ATRN: variants seen among roughly 807,000 people sequenced by gnomAD.
ATRN encodes attractin-2.
A neutral mutation model predicts 178.7 loss-of-function variants in ATRN; 54 were observed. The observed-to-expected ratio is 0.30, with a 90% confidence interval of 0.24 to 0.38. The LOEUF (loss-of-function observed/expected upper bound fraction) is 0.38, where lower values mean the gene tolerates loss of function less well. Among genes scored for constraint, ATRN ranks in the 10% least tolerant of loss-of-function variants. The pLI is 1.00. For missense variants in ATRN, 1,443 were observed against 1,815.1 expected (o/e 0.79, Z 3.73); for synonymous variants, 636 against 663.0 (o/e 0.96, Z 0.63).
intron 27 of ATRN, among the ~76,000 whole-genome samples, chr20:3,640,407 T>G (rs1203509467): frequency 6.6e-6 from 1 of 152,030 alleles, no homozygotes; most frequent in Non-Finnish European, 1.5e-5. Flanking sequence ...ATTTCCAGAA[T>G]CCCAGAACAA....
chr20:3,604,504 G>T (rs907663621), intron 24 of ATRN, among the ~76,000 whole-genome samples: 12 of 152,246 alleles, frequency 7.9e-5, no homozygotes, highest in Admixed American at 7.2e-4. Flanking sequence ...GCATGTAACA[G>T]ATTTGGTCAT....
intron 23 of ATRN, 91 bp downstream of exon 23, chr20:3,601,115 A>G: frequency 7.9e-7 from 1 of 1,264,938 alleles, no homozygotes; most frequent in Non-Finnish European, 1.1e-6. Context: ...CTCAGGAGAC[A>G]GATTGGTTTG....
intron 10 of ATRN, among the ~76,000 whole-genome samples, chr20:3,564,086 G>A (rs1312306587): frequency 1.3e-5 from 2 of 152,144 alleles, no homozygotes; most frequent in Non-Finnish European, 2.9e-5. Context: ...CTGTCTCTGT[G>A]ATTTTGACTA....
chr20:3,574,922 A>T (rs1600121017), intron 12 of ATRN, among the ~76,000 whole-genome samples: 3 of 150,024 alleles, frequency 2.0e-5, no homozygotes, highest in African/African-American at 4.9e-5. Flanking sequence ...TGTCCACGAG[A>T]TGGTTGAACA....
intron 18 of ATRN, among the ~76,000 whole-genome samples, chr20:3,586,393 T>C (rs571311053): frequency 1.3e-5 from 2 of 151,884 alleles, no homozygotes; most frequent in East Asian, 3.9e-4. Context: ...AGTAGATGTT[T>C]AGTGGTTTCC....
rs368282106 is a variant in ATRN, at chr20:3,559,374, T to A, written c.1113-19T>A. On this transcript the variant is annotated intron_variant, in intron 6 of 28. Coordinates refer to ENST00000262919, the MANE Select transcript of ATRN (RefSeq NM_139321.3). ...CTGTCTTATTAGTTGGGTGAAAATATGATCTGTTTGTTTTGTAGGTATGAC... is the reference window on the plus strand; with the variant it reads ...CTGTCTTATTAGTTGGGTGAAAATAAGATCTGTTTGTTTTGTAGGTATGAC... The A allele has an allele frequency of 2.8e-5, 44 of 1,560,754 alleles. No homozygotes were observed. The highest frequency in any genetic ancestry group is 3.8e-5 in the Non-Finnish European group (43 of 1,131,638).
intron 11 of ATRN, among the ~76,000 whole-genome samples, chr20:3,568,421 G>A (rs1253677049): frequency 6.6e-6 from 1 of 151,720 alleles, no homozygotes; most frequent in Admixed American, 6.6e-5. Context: ...GCTAAGGCAG[G>A]AGGATCACTT....
At chr20:3,493,447 C>T (rs536183497) in intron 1 of ATRN, among the ~76,000 whole-genome samples, 2 of 151,782 alleles carry the variant, frequency 1.3e-5, no homozygotes, top group South Asian at 4.2e-4. Context: ...AGGTGTGAGT[C>T]ACTGTGCCCA....
chr20:3,621,744 T>C (rs928673489), intron 24 of ATRN, among the ~76,000 whole-genome samples: 2 of 152,204 alleles, frequency 1.3e-5, no homozygotes, highest in South Asian at 2.1e-4. Context: ...GATTGGGATA[T>C]TGTCTTTAAA....
chr20:3,486,235 C>T (rs1197343879), intron 1 of ATRN, among the ~76,000 whole-genome samples: 2 of 151,898 alleles, frequency 1.3e-5, no homozygotes, highest in Non-Finnish European at 2.9e-5. Context: ...TGTCTGTCAC[C>T]AGCTTCAACA....
At chr20:3,634,159 C>G in intron 25 of ATRN, 152 bp from the exon 26 acceptor site, 1 of 636,404 alleles carries the variant, frequency 1.6e-6, no homozygotes, top group South Asian at 2.1e-5. Flanking sequence ...CTCATTACCT[C>G]CTGAGCCGGC....
intron 11 of ATRN, among the ~76,000 whole-genome samples, chr20:3,568,023 G>T (rs1002800393): frequency 6.6e-6 from 1 of 152,216 alleles, no homozygotes; most frequent in Non-Finnish European, 1.5e-5. Flanking sequence ...GGGCGTAGTG[G>T]CTCACGCTTG....
At chr20:3,634,481 A>T in intron 26 of ATRN, 92 bp downstream of exon 26, 1 of 1,128,036 alleles carries the variant, frequency 8.9e-7, no homozygotes, top group Non-Finnish European at 1.3e-6. Context: ...CTATTTAGTG[A>T]TAATGGACAG....
At chr20:3,567,644 A>G (rs1418531136) in intron 11 of ATRN, among the ~76,000 whole-genome samples, 1 of 152,210 alleles carries the variant, frequency 6.6e-6, no homozygotes, top group African/African-American at 2.4e-5. Flanking sequence ...CTGAAAAAGA[A>G]ACTTCGATTC....
intron 24 of ATRN, among the ~76,000 whole-genome samples, chr20:3,618,853 G>A (rs925288526): frequency 4.6e-5 from 7 of 151,946 alleles, no homozygotes; most frequent in African/African-American, 7.3e-5. Flanking sequence ...GTTTTGTTTC[G>A]TTTTTTAAGA....
At chr20:3,520,651 T>C (rs765366593) in intron 1 of ATRN, among the ~76,000 whole-genome samples, 1 of 152,100 alleles carries the variant, frequency 6.6e-6, no homozygotes, top group Non-Finnish European at 1.5e-5. Context: ...TGTGCCACCA[T>C]GCCCAGATAA....
At chr20:3,635,470 C>T (rs1318404798) in intron 26 of ATRN, among the ~76,000 whole-genome samples, 1 of 152,124 alleles carries the variant, frequency 6.6e-6, no homozygotes, top group Non-Finnish European at 1.5e-5. Flanking sequence ...TGCATCATTA[C>T]TTTGCCTTTC....
At chr20:3,637,282 T>C (rs532743239) in intron 26 of ATRN, among the ~76,000 whole-genome samples, 3 of 152,324 alleles carry the variant, frequency 2.0e-5, no homozygotes, top group Non-Finnish European at 4.4e-5. Flanking sequence ...TTAAAAACAA[T>C]AGTAGTAGCG....
At position 3,596,538 on chromosome 20, in the gene ATRN, A is replaced by G. The variant is rs116153823; in HGVS notation, c.3469+109A>G. On this transcript the variant is annotated intron_variant, in intron 21 of 28. Coordinates refer to ENST00000262919, the MANE Select transcript of ATRN (RefSeq NM_139321.3). ...TGCTATAAGACTATAGCAGCCACCA[A>G]TGAAGTGTTCCCAGACTTGATATGT... 487 of 997,186 alleles carry G rather than the reference A, an allele frequency of 4.9e-4. 3 individuals are homozygous for G. In the African/African-American group the frequency reaches 7.2e-3, roughly 15 times the overall value. 61.8% of individuals were successfully genotyped at this position (997,186 alleles called of 1,614,324 possible). A position where few individuals can be genotyped will look rare whatever the true frequency, so the allele number is the denominator to read the frequency against.
Sources: gnomAD v4.1 joint callset for allele counts (sites outside exome capture counted in the v4.1 genomes callset) on GRCh38, gnomAD v4.1.1 for gene constraint, MANE v1.5 for transcripts, NCBI Gene and HGNC (gene_info 2026-07-23, HGNC 2026-07-21) for gene names.